RBM33: variants seen among roughly 807,000 people sequenced by gnomAD.
RBM33 encodes the protein RNA-binding protein 33.
A neutral mutation model predicts 132.6 loss-of-function variants in RBM33; 28 were observed. That is an observed-to-expected ratio of 0.21 (90% CI 0.16 to 0.29). The LOEUF is 0.29. Among genes scored for constraint, RBM33 ranks in the 10% least tolerant of loss-of-function variants. The pLI is 1.00. For synonymous variants in RBM33, 634 were observed against 593.0 expected, an observed-to-expected ratio of 1.07 and a Z score of -1.01; for missense variants, 1,291 against 1,518.5, an observed-to-expected ratio of 0.85 and a Z score of 2.49.
intron 13 of RBM33, 59 bp from the exon 14 acceptor site, chr7:155,744,902 A>G (rs1334431085): frequency 6.9e-6 from 10 of 1,457,652 alleles, no homozygotes; most frequent in Admixed American, 2.6e-5. Context: ...ATTTGTTGAA[A>G]TAGACTATGG....
rs1320571950 is a variant in RBM33 at position 155,739,858 on chromosome 7, ACAGCACCCGCCG to A, written c.1889_1900del (p.Pro630_His633del). 5.0e-6 allele frequency: 5 copies of A among 1,008,460 alleles called. No homozygotes were observed. The African/African-American group carries it at 1.5e-4, about 30-fold the overall frequency. The allele number at this position is 1,008,460 out of a possible 1,614,324, so 62.5% of individuals were successfully genotyped here. A position where few individuals can be genotyped will look rare whatever the true frequency, so the allele number is the denominator to read the frequency against. Reference sequence around the variant, plus strand: ...ACCAGCCCCCACCCCAGCACCCACCACAGCACCCGCCGCAGCACCAGCACCACCACCACCACC... The same window carrying A: ...ACCAGCCCCCACCCCAGCACCCACCACAGCACCAGCACCACCACCACCACC... On this transcript the variant is annotated inframe_deletion, in exon 12 of 18. Transcript: ENST00000401878.
At position 155,745,777 on chromosome 7, in the gene RBM33, A is replaced by G. The variant is rs549793001; in HGVS notation, c.2979+175A>G. 1.4e-5 allele frequency: 9 copies of G among 647,300 alleles called. No individual in the cohort carries two copies. The South Asian group carries it at 1.4e-4, about 10-fold the overall frequency. The allele number at this position is 647,300 out of a possible 1,614,324, so 40.1% of individuals were successfully genotyped here. A position where few individuals can be genotyped will look rare whatever the true frequency, so the allele number is the denominator to read the frequency against. On this transcript the variant is annotated intron_variant, in intron 14 of 17. Coordinates refer to ENST00000401878, the MANE Select transcript of RBM33 (RefSeq NM_053043.3). This position sits in a 1 kb window ranked among gnomAD's most constrained non-coding sequence, Gnocchi z 4.1. ...AATTGCCGCTTGACGACAGGCATAC[A>G]TTCTCAGAAATGTGTTGTTAGGCGA...
chr7:155,751,638 A>G (rs1801687978), intron 14 of RBM33, among the ~76,000 whole-genome samples: 1 of 152,160 alleles, frequency 6.6e-6, no homozygotes, highest in Non-Finnish European at 1.5e-5. Context: ...TGGCAGGAAC[A>G]CCCCAGAGGG....
At chr7:155,669,683 G>GGGTC (rs1218485464) in intron 2 of RBM33, among the ~76,000 whole-genome samples, 2 of 152,076 alleles carry the variant, frequency 1.3e-5, no homozygotes, top group African/African-American at 4.8e-5. Flanking sequence ...ATTTAATGAC[G>GGGTC]GGTCTATTTA....
Position 155,695,204 on chromosome 7 carries a change from CA to C in RBM33, c.568-5561del, listed in dbSNP as rs1170497906. The stretch of plus-strand genomic sequence containing the variant: ...TTGCTTCTAGTTTTAGTCTCTCACT[CA>C]AAAAAAAGTGGGTTGTCTTTTTATT... On this transcript the variant is annotated intron_variant, in intron 5 of 17. Transcript: ENST00000401878. Among the ~76,000 whole-genome samples, 6 of 151,174 alleles carry C rather than the reference CA, an allele frequency of 4.0e-5. No individual in the cohort carries two copies. The South Asian group carries it at 6.2e-4, about 16-fold the overall frequency.
At chr7:155,715,836 C>G (rs1032606114) in intron 8 of RBM33, among the ~76,000 whole-genome samples, 3 of 152,174 alleles carry the variant, frequency 2.0e-5, no homozygotes, top group Admixed American at 1.3e-4. Context: ...GTAAAAGATA[C>G]ACAGATTAAA....
At chr7:155,771,394 G>A (rs1323509344) in intron 16 of RBM33, among the ~76,000 whole-genome samples, 1 of 152,198 alleles carries the variant, frequency 6.6e-6, no homozygotes, top group Non-Finnish European at 1.5e-5. Flanking sequence ...ATTTCTGAAA[G>A]AAGGTACAAA....
intron 13 of RBM33, 41 bp downstream of exon 13, chr7:155,742,147 A>G (rs926640424): frequency 4.5e-6 from 7 of 1,539,144 alleles, no homozygotes; most frequent in South Asian, 1.2e-5. Context: ...GTCTCAAACA[A>G]GAAGCCTTAG....
intron 3 of RBM33, among the ~76,000 whole-genome samples, chr7:155,674,770 A>C (rs1799129877): frequency 6.6e-6 from 1 of 152,200 alleles, no homozygotes; most frequent in Admixed American, 6.5e-5. Flanking sequence ...GTGCATTCCG[A>C]CGCCTCAGTG....
chr7:155,748,663 G>A (rs1310602986), intron 14 of RBM33, among the ~76,000 whole-genome samples: 2 of 151,990 alleles, frequency 1.3e-5, no homozygotes, highest in Non-Finnish European at 2.9e-5. Flanking sequence ...TGAGTCTTAA[G>A]ACCATAGGTT....
intron 1 of RBM33, among the ~76,000 whole-genome samples, chr7:155,645,709 A>C (rs1337440449): frequency 6.6e-6 from 1 of 152,234 alleles, no homozygotes; most frequent in Non-Finnish European, 1.5e-5. Flanking sequence ...GTGACTTTTT[A>C]AGTGATTATT....
chr7:155,738,943 C>T (rs552666683), intron 11 of RBM33: 42 of 155,186 alleles, frequency 2.7e-4, no homozygotes, highest in Non-Finnish European at 4.7e-4. Context: ...TGACATGCGT[C>T]TGTAACATCT....
chr7:155,697,354 T>C (rs1799823150), intron 5 of RBM33, among the ~76,000 whole-genome samples: 1 of 152,200 alleles, frequency 6.6e-6, no homozygotes. Flanking sequence ...TTAAAAAAGA[T>C]TTTGTTTCTG....
intron 9 of RBM33, among the ~76,000 whole-genome samples, chr7:155,736,060 T>A (rs1585506620): frequency 6.6e-6 from 1 of 152,236 alleles, no homozygotes; most frequent in African/African-American, 2.4e-5. Context: ...GATACAATAT[T>A]TGTGTGTTAA....
chr7:155,648,851 G>A (rs1009518821), intron 1 of RBM33, among the ~76,000 whole-genome samples: 9 of 152,080 alleles, frequency 5.9e-5, no homozygotes, highest in Non-Finnish European at 8.8e-5. Flanking sequence ...GGCTTCCATC[G>A]TTTCTGATGA....
At chr7:155,696,834 G>A (rs1212720397) in intron 5 of RBM33, among the ~76,000 whole-genome samples, 2 of 152,094 alleles carry the variant, frequency 1.3e-5, no homozygotes, top group African/African-American at 4.8e-5. Flanking sequence ...CAGTTTCTTA[G>A]TGTTTCCCTG....
At chr7:155,645,049 T>G (rs1798140653) in intron 1 of RBM33, 130 bp downstream of exon 1, 1 of 622,582 alleles carries the variant, frequency 1.6e-6, no homozygotes, top group African/African-American at 1.9e-5. Context: ...GTTCGGCCTA[T>G]TCCGTTTTCT....
chr7:155,671,006 CTT>C (rs1182327272), intron 2 of RBM33, among the ~76,000 whole-genome samples: 1 of 150,512 alleles, frequency 6.6e-6, no homozygotes, highest in Non-Finnish European at 1.5e-5. Context: ...GTTTTTATGA[CTT>C]TGTCAGTTTG....
intron 1 of RBM33, among the ~76,000 whole-genome samples, chr7:155,658,178 G>C (rs765424587): frequency 1.3e-5 from 2 of 152,026 alleles, no homozygotes; most frequent in Non-Finnish European, 2.9e-5. Flanking sequence ...GTTATATCTT[G>C]ATGAATTGAC....
Sources: allele counts gnomAD v4.1 joint callset (sites outside exome capture counted in the v4.1 genomes callset), GRCh38; gene constraint gnomAD v4.1.1; non-coding constraint Gnocchi (gnomAD v3.1); transcripts MANE v1.5; gene names NCBI Gene and HGNC (gene_info 2026-07-23, HGNC 2026-07-21).